The following VTI1A variants were observed in gnomAD, a reference collection of about 807,000 sequenced individuals.
VTI1A encodes the protein vesicle transport through interaction with t-SNAREs 1A.
VTI1A carries 22 observed loss-of-function variants against 34.9 expected under a neutral mutation model. The ratio of observed to expected loss-of-function variants is 0.63; its 90% CI spans 0.45 to 0.90. The LOEUF is 0.90. Ranked by LOEUF, VTI1A falls within the 40% of genes least tolerant of loss-of-function variation. VTI1A has a pLI of 0.00. For missense variants in VTI1A, 268 were observed against 275.6 expected (o/e 0.97, Z 0.20); for synonymous variants, 87 against 97.3 (o/e 0.89, Z 0.62).
At chr10:112,454,663 A>C (rs1218793739) in intron 1 of VTI1A, among the ~76,000 whole-genome samples, 1 of 151,676 alleles carries the variant, frequency 6.6e-6, no homozygotes, top group Non-Finnish European at 1.5e-5. Flanking sequence ...CATACATACT[A>C]TGCTAAGACT....
chr10:112,643,849 G>A (rs547879671), intron 5 of VTI1A, among the ~76,000 whole-genome samples: 6 of 152,226 alleles, frequency 3.9e-5, no homozygotes, highest in African/African-American at 7.2e-5. Flanking sequence ...AGAAAGAAAG[G>A]CATATATGTA....
At chr10:112,566,472 G>T (rs930388603) in intron 5 of VTI1A, among the ~76,000 whole-genome samples, 3 of 152,060 alleles carry the variant, frequency 2.0e-5, no homozygotes, top group African/African-American at 7.2e-5. Context: ...ACATTTAAAC[G>T]TCCTTCTTTG....
At chr10:112,737,536 C>T in intron 7 of VTI1A, 1 of 1,050,566 alleles carries the variant, frequency 9.5e-7, no homozygotes. Flanking sequence ...ATTTTAGGTA[C>T]ATCGTGAGCA....
intron 7 of VTI1A, among the ~76,000 whole-genome samples, chr10:112,720,718 C>T (rs909124709): frequency 1.3e-5 from 2 of 152,168 alleles, no homozygotes; most frequent in African/African-American, 2.4e-5. Context: ...GCTTCTAAAA[C>T]TTTGTTTTCC....
At chr10:112,543,647 A>T (rs1057337906) in intron 5 of VTI1A, among the ~76,000 whole-genome samples, 1 of 152,074 alleles carries the variant, frequency 6.6e-6, no homozygotes, top group Non-Finnish European at 1.5e-5. Context: ...CACTCTGATG[A>T]TAGTTTCTTT....
chr10:112,486,429 A>G (rs1848629037), intron 3 of VTI1A, among the ~76,000 whole-genome samples: 1 of 152,146 alleles, frequency 6.6e-6, no homozygotes, highest in Non-Finnish European at 1.5e-5. Flanking sequence ...TGTATTTTGG[A>G]AAATACATGG....
intron 3 of VTI1A, among the ~76,000 whole-genome samples, chr10:112,472,107 A>G (rs1393664840): frequency 1.3e-5 from 2 of 152,184 alleles, no homozygotes; most frequent in Admixed American, 6.5e-5. Context: ...TTTTTCTTGT[A>G]ACAAAGCTGA....
At chr10:112,737,663 A>G in intron 7 of VTI1A, 2 of 1,053,610 alleles carry the variant, frequency 1.9e-6, no homozygotes, top group Non-Finnish European at 2.3e-6. Context: ...AAATAGAACA[A>G]GAGCACTCCA....
intron 5 of VTI1A, among the ~76,000 whole-genome samples, chr10:112,612,305 G>C (rs1001229771): frequency 2.0e-5 from 3 of 152,128 alleles, no homozygotes; most frequent in African/African-American, 7.2e-5. Context: ...ATAGTTTTCA[G>C]TCTAAATTAA....
intron 2 of VTI1A, among the ~76,000 whole-genome samples, chr10:112,462,867 G>A (rs571732614): frequency 4.9e-4 from 75 of 152,028 alleles, no homozygotes; most frequent in Non-Finnish European, 7.4e-4. Flanking sequence ...AGCAGACATG[G>A]CCTGGGCCAA....
intron 7 of VTI1A, among the ~76,000 whole-genome samples, chr10:112,772,492 G>C (rs78800916): frequency 1.3e-5 from 2 of 152,240 alleles, no homozygotes; most frequent in Admixed American, 1.3e-4. Context: ...ATTCTACAGC[G>C]TGTCTTCTTA....
chr10:112,617,472 A>C (rs1845549562), intron 5 of VTI1A, among the ~76,000 whole-genome samples: 1 of 152,128 alleles, frequency 6.6e-6, no homozygotes, highest in Non-Finnish European at 1.5e-5. Context: ...AATCTAAAAA[A>C]ATTATAAGAT....
chr10:112,498,263 G>A (rs1849096922), intron 3 of VTI1A, among the ~76,000 whole-genome samples: 2 of 152,116 alleles, frequency 1.3e-5, no homozygotes, highest in Admixed American at 6.5e-5. Context: ...AAGGGGATAA[G>A]GTTAAGTTAT....
intron 7 of VTI1A, among the ~76,000 whole-genome samples, chr10:112,791,057 G>A (rs1223512926): frequency 1.3e-5 from 2 of 152,118 alleles, no homozygotes; most frequent in African/African-American, 4.8e-5. Flanking sequence ...CACCATCAGG[G>A]TGTAACTGCC....
intron 5 of VTI1A, among the ~76,000 whole-genome samples, chr10:112,579,079 C>T (rs1272441601): frequency 6.6e-6 from 1 of 152,180 alleles, no homozygotes; most frequent in African/African-American, 2.4e-5. Context: ...AGAATAGTAT[C>T]AGCAACATGG....
intron 7 of VTI1A, among the ~76,000 whole-genome samples, chr10:112,797,205 A>C (rs1590193361): frequency 6.6e-6 from 1 of 152,182 alleles, no homozygotes; most frequent in Non-Finnish European, 1.5e-5. Flanking sequence ...GTCTCCGAGT[A>C]GGTTCTTTTA....
chr10:112,811,710 A>G (rs2479043), intron 7 of VTI1A, among the ~76,000 whole-genome samples: 2,069 of 15,110 alleles, frequency 0.14, 370 homozygotes, highest in African/African-American at 0.45. Flanking sequence ...AAAAAAAAAA[A>G]AAGAGTGCAG....
intron 7 of VTI1A, among the ~76,000 whole-genome samples, chr10:112,670,604 T>C (rs1007567305): frequency 2.7e-4 from 41 of 152,184 alleles, no homozygotes; most frequent in African/African-American, 9.9e-4. Context: ...CATATTGTGT[T>C]TGAATAAATT....
the VTI1A span, among the ~76,000 whole-genome samples, chr10:112,836,288 C>T: frequency 2.6e-5 from 4 of 152,104 alleles, no homozygotes; most frequent in African/African-American, 9.7e-5. Flanking sequence ...GGCCAGAGAC[C>T]CAGCTAGAAT....
Sources: allele counts gnomAD v4.1 joint callset (sites outside exome capture counted in the v4.1 genomes callset), GRCh38; gene constraint gnomAD v4.1.1; transcripts MANE v1.5; gene names NCBI Gene and HGNC (gene_info 2026-07-23, HGNC 2026-07-21).